CHRNA1: variants seen among roughly 807,000 people sequenced by gnomAD.
CHRNA1 encodes the protein acetylcholine receptor subunit alpha.
CHRNA1 carries 35 observed loss-of-function variants against 47.1 expected under a neutral mutation model. The observed-to-expected ratio is 0.74, with a 90% CI of 0.57 to 0.99. The LOEUF is 0.99. Among genes scored for constraint, CHRNA1 ranks in the 50% least tolerant of loss-of-function variants. CHRNA1 has a pLI of 0.00. For synonymous variants in CHRNA1, 229 were observed against 223.6 expected (o/e 1.02, Z -0.22); for missense variants, 506 against 591.1 (o/e 0.86, Z 1.49).
At chr2:174,758,419 T>C (rs959814144) in intron 3 of CHRNA1, among the ~76,000 whole-genome samples, 1 of 151,890 alleles carries the variant, frequency 6.6e-6, no homozygotes, top group Non-Finnish European at 1.5e-5. Flanking sequence ...AAAAGAAAAG[T>C]AATACAGGTT....
Position 174,753,672 on chromosome 2 carries a change from G to T in CHRNA1, c.609C>A (p.Gly203=). The T allele has an allele frequency of 6.2e-7, 1 of 1,614,096 alleles. No individual in the cohort carries two copies. Among genetic ancestry groups the T allele is most frequent in the East Asian group, 2.2e-5 (1 of 44,890 alleles). The change falls in exon 6 of 9, where the codon GGC becomes GGA. Residue 203 remains glycine, a synonymous_variant. Transcript: ENST00000348749. ...AGGAATAGGTCACGGAGTGCTTCCA[G>T]CCCCGGGACTCCTTGATCACCCACT... ...SGEWVIKESR[G]WKHSVTYSCC...
At chr2:174,763,332 A>G (rs879591941) in intron 1 of CHRNA1, among the ~76,000 whole-genome samples, 17 of 21,364 alleles carry the variant, frequency 8.0e-4, no homozygotes, top group South Asian at 3.4e-3. Flanking sequence ...ACGCGCGCGC[A>G]CACACACACA....
intron 3 of CHRNA1, chr2:174,758,129 C>T: frequency 6.5e-7 from 1 of 1,539,882 alleles, no homozygotes. Flanking sequence ...AAAGTAAAGT[C>T]TGGGCATGGT....
rs756540506 is a variant in CHRNA1, at chr2:174,759,623, G to A, written c.54C>T (p.Val18=). ...GACGGGTCTCATGTTCGGAGCCCAG[G>A]ACGAGGCCAGCTGAGACAGCAGATG... ...LLFSLCSAGL[V]LGSEHETRLV... is the part of the protein sequence containing the mutation. Residue 18 remains valine, a synonymous_variant, in exon 2 of 9, where the codon GTC becomes GTT. Transcript: ENST00000348749. 1.3e-5 allele frequency: 21 copies of A among 1,613,424 alleles called. No individual in the cohort carries two copies. Among genetic ancestry groups the A allele is most frequent in the Non-Finnish European group, 1.8e-5 (21 of 1,179,934 alleles).
Position 174,764,119 on chromosome 2 carries a change from T to C in CHRNA1, c.43+233A>G, listed in dbSNP as rs2600684. On this transcript the variant is annotated intron_variant, in intron 1 of 8. Coordinates refer to ENST00000348749, the MANE Select transcript of CHRNA1 (RefSeq NM_000079.4). ...ATGGAGGGAGAGACATGCGTGTCTA[T>C]CTTGAAGTCTTTGACCAGGCAGTTT... Among the ~76,000 whole-genome samples, 151,931 of 152,330 alleles carry C rather than the reference T, an allele frequency of 1. 75,766 individuals are homozygous for C. Among genetic ancestry groups the C allele is most frequent in the Middle Eastern group, 1 (294 of 294 alleles).
chr2:174,749,083 G>A (rs1005732280), intron 7 of CHRNA1, among the ~76,000 whole-genome samples: 5 of 152,170 alleles, frequency 3.3e-5, no homozygotes, highest in Admixed American at 2.0e-4. Flanking sequence ...TGCAGTCATC[G>A]ACCTGGGGCC....
Position 174,759,540 on chromosome 2 carries a change from C to G in CHRNA1, c.137G>C (p.Arg46Pro). The change falls in exon 2 of 9, where the codon CGC becomes CCC. Residue 46 changes from arginine (R) to proline (P), a missense_variant. By Grantham distance (103) the Arg-to-Pro change is moderately radical. Transcript: ENST00000348749. The stretch of plus-strand genomic sequence containing the variant: ...GCCCACGGTGACCTCCACGACCTGG[C>G]GGTGGTCTTCCACTGGCCGCACCAC... The part of the protein sequence containing the change: ...SSVVRPVEDH[R>P]QVVEVTVGLQ... The G allele has an allele frequency of 6.2e-7, 1 of 1,614,072 alleles. No individual in the cohort carries two copies. Among genetic ancestry groups the G allele is most frequent in the Non-Finnish European group, 8.5e-7 (1 of 1,180,014 alleles).
At chr2:174,757,109 T>C (rs1158879479) in intron 4 of CHRNA1, among the ~76,000 whole-genome samples, 1 of 151,978 alleles carries the variant, frequency 6.6e-6, no homozygotes, top group Non-Finnish European at 1.5e-5. Context: ...CAGAAATATT[T>C]GGTAGGGAAG....
intron 4 of CHRNA1, among the ~76,000 whole-genome samples, chr2:174,756,791 T>G (rs879441210): frequency 2.6e-5 from 4 of 152,196 alleles, no homozygotes; most frequent in Non-Finnish European, 5.9e-5. Context: ...TCCCTAAGTC[T>G]GCTAGGACAC....
intron 8 of CHRNA1, 108 bp downstream of exon 8, chr2:174,748,472 G>A: frequency 6.8e-7 from 1 of 1,478,398 alleles, no homozygotes; most frequent in Non-Finnish European, 9.1e-7. Flanking sequence ...TCTTAGGTCA[G>A]TAGCTGCCTG....
At chr2:174,760,812 C>A (rs1173280649) in intron 1 of CHRNA1, among the ~76,000 whole-genome samples, 1 of 152,158 alleles carries the variant, frequency 6.6e-6, no homozygotes, top group Non-Finnish European at 1.5e-5. Flanking sequence ...CTTTGTTGAC[C>A]TGGGTTTGGG....
chr2:174,759,123 C>T (rs895672539), intron 3 of CHRNA1, among the ~76,000 whole-genome samples: 10 of 151,980 alleles, frequency 6.6e-5, no homozygotes, highest in African/African-American at 2.2e-4. Context: ...TATGGCAGCC[C>T]TAGCAAACTA....
rs199899006 is a variant in CHRNA1, at chr2:174,759,500, C to T, written c.177G>A (p.Gln59=). Residue 59 remains glutamine, a synonymous_variant, in exon 2 of 9, where the codon CAG becomes CAA. Transcript: ENST00000348749. ...GCTCTTGTCTCACCACATTGATGAG[C>T]TGTATCAGCTGCAGGCCCACGGTGA... ...VEVTVGLQLI[Q]LINVDEVNQI... is the part of the protein sequence containing the mutation. 1.9e-6 allele frequency: 3 copies of T among 1,614,140 alleles called. No individual in the cohort carries two copies. The South Asian group carries it at 3.3e-5, about 18-fold the overall frequency.
rs752761320 is a variant in CHRNA1, at chr2:174,757,612, T to A, written c.298A>T (p.Ile100Phe). Residue 100 changes from isoleucine (I) to phenylalanine (F), a missense_variant, in exon 4 of 9, where the codon ATT becomes TTT. Coordinates refer to ENST00000348749, the MANE Select transcript of CHRNA1 (RefSeq NM_000079.4). ...GGGCGCCAGATCTTTTCTGAAGGAA[T>A]GTGAATTTTTTTCACACCGCCATAG... ...DDYGGVKKIH[I>F]PSEKIWRPDL... 3 of 1,614,194 alleles carry A rather than the reference T, an allele frequency of 1.9e-6. No homozygotes were observed. The South Asian group carries it at 3.3e-5, about 18-fold the overall frequency.
intron 3 of CHRNA1, 37 bp downstream of exon 3, chr2:174,759,294 T>C: frequency 6.2e-7 from 1 of 1,609,486 alleles, no homozygotes; most frequent in Middle Eastern, 1.7e-4. Flanking sequence ...TCAGTGTGAA[T>C]GAAAACGACA....
chr2:174,763,580 T>C (rs1028543733), intron 1 of CHRNA1, among the ~76,000 whole-genome samples: 1 of 152,210 alleles, frequency 6.6e-6, no homozygotes, highest in African/African-American at 2.4e-5. Flanking sequence ...TAAACTTTTA[T>C]GTGAAGCAAT....
intron 1 of CHRNA1, among the ~76,000 whole-genome samples, chr2:174,760,266 A>G (rs1684077950): frequency 6.6e-6 from 1 of 152,224 alleles, no homozygotes; most frequent in Non-Finnish European, 1.5e-5. Context: ...AGCATTATTT[A>G]CCATAGCCAA....
chr2:174,758,151 G>A, intron 3 of CHRNA1: 3 of 1,337,964 alleles, frequency 2.2e-6, no homozygotes, highest in South Asian at 1.2e-5. Flanking sequence ...GCTCATGCCT[G>A]TAATCCCAGC....
intron 3 of CHRNA1, among the ~76,000 whole-genome samples, chr2:174,758,861 G>A (rs1327039592): frequency 6.6e-6 from 1 of 151,918 alleles, no homozygotes; most frequent in Non-Finnish European, 1.5e-5. Flanking sequence ...TTCATAAAAA[G>A]GGGGAATTTA....
Sources: gnomAD v4.1 joint callset for allele counts (sites outside exome capture counted in the v4.1 genomes callset) on GRCh38, gnomAD v4.1.1 for gene constraint, MANE v1.5 for transcripts, NCBI Gene and HGNC (gene_info 2026-07-23, HGNC 2026-07-21) for gene names.